DEPTOR: variants seen among roughly 807,000 people sequenced by gnomAD.
DEPTOR encodes the protein DEP domain containing MTOR interacting protein, also known as DEP domain-containing mTOR-interacting protein.
A neutral mutation model predicts 41.6 loss-of-function variants in DEPTOR; 41 were observed. The ratio of observed to expected loss-of-function variants is 0.98; its 90% CI spans 0.77 to 1.28. The LOEUF (loss-of-function observed/expected upper bound fraction) is 1.28, where lower values mean the gene tolerates loss of function less well. Among genes scored for constraint, DEPTOR ranks in the 50% most tolerant of loss-of-function variants. The probability of loss-of-function intolerance (pLI) is 0.00; values close to 1 mark genes in which losing one functional copy is unlikely to be tolerated. For synonymous variants in DEPTOR, 195 were observed against 192.3 expected, an observed-to-expected ratio of 1.01 and a Z score of -0.12; for missense variants, 514 against 527.9, an observed-to-expected ratio of 0.97 and a Z score of 0.26.
At chr8:119,879,764 C>T (rs528020988) in intron 1 of DEPTOR, among the ~76,000 whole-genome samples, 1 of 151,696 alleles carries the variant, frequency 6.6e-6, no homozygotes, top group East Asian at 2.0e-4. Context: ...GTAACCAGCA[C>T]TTTGGGAGGC....
intron 4 of DEPTOR, among the ~76,000 whole-genome samples, chr8:119,995,586 CTCAAAAAAAAAAAA>C (rs1812248072): frequency 6.9e-6 from 1 of 145,464 alleles, no homozygotes; most frequent in Non-Finnish European, 1.5e-5. Context: ...GCTCCTCTGT[CTCAAAAAAAAAAAA>C]AAGAAAAGAA....
At chr8:119,878,424 A>G (rs146419656) in intron 1 of DEPTOR, among the ~76,000 whole-genome samples, 1 of 151,220 alleles carries the variant, frequency 6.6e-6, no homozygotes, top group Non-Finnish European at 1.5e-5. Context: ...GGTTCAAGCG[A>G]TTCTCCTGCC....
At chr8:119,881,561 T>A (rs13282901) in intron 1 of DEPTOR, among the ~76,000 whole-genome samples, 2,827 of 151,532 alleles carry the variant, frequency 0.019, 88 homozygotes, top group African/African-American at 0.064. Context: ...AAAATGGGCC[T>A]TTGAACCAAA....
intron 3 of DEPTOR, among the ~76,000 whole-genome samples, chr8:119,937,485 A>G (rs1470728206): frequency 6.6e-6 from 1 of 152,234 alleles, no homozygotes; most frequent in East Asian, 1.9e-4. Context: ...TAATTTTAGA[A>G]TGAATGTTCC....
intron 4 of DEPTOR, among the ~76,000 whole-genome samples, chr8:119,968,555 G>A (rs1343301554): frequency 5.9e-5 from 9 of 152,078 alleles, no homozygotes; most frequent in Non-Finnish European, 1.3e-4. Flanking sequence ...GCCTGCCCCG[G>A]TCTCCCAAAG....
chr8:120,030,706 T>C (rs556604499), intron 8 of DEPTOR, among the ~76,000 whole-genome samples: 1 of 151,942 alleles, frequency 6.6e-6, no homozygotes, highest in East Asian at 1.9e-4. Context: ...GATTTCACCA[T>C]GTGGGCCAGG....
chr8:120,022,040 C>G (rs11996625), intron 8 of DEPTOR, among the ~76,000 whole-genome samples: 1 of 151,564 alleles, frequency 6.6e-6, no homozygotes, highest in Non-Finnish European at 1.5e-5. Flanking sequence ...ACGTAGTAGT[C>G]CCAGCTACCT....
chr8:119,937,408 A>G (rs1009688754), intron 3 of DEPTOR, among the ~76,000 whole-genome samples: 2 of 152,182 alleles, frequency 1.3e-5, no homozygotes, highest in African/African-American at 2.4e-5. Flanking sequence ...AAACATATAC[A>G]TATTTTCTAA....
chr8:120,031,900 G>A (rs1465025402), intron 8 of DEPTOR, among the ~76,000 whole-genome samples: 1 of 152,092 alleles, frequency 6.6e-6, no homozygotes. Context: ...AAGTCTGAGG[G>A]ATGAGTCCTT....
chr8:119,955,326 G>A (rs1828404479), intron 3 of DEPTOR, among the ~76,000 whole-genome samples: 1 of 152,126 alleles, frequency 6.6e-6, no homozygotes, highest in African/African-American at 2.4e-5. Context: ...TGTTGCTTGT[G>A]CTTTTGGCCT....
intron 8 of DEPTOR, among the ~76,000 whole-genome samples, chr8:120,035,325 AAAAGAAAG>A (rs10584339): frequency 0.37 from 55,278 of 151,232 alleles, 10,425 homozygotes; most frequent in African/African-American, 0.41. Flanking sequence ...GCCCAGAAAA[AAAAGAAAG>A]AAAGAAAGAA....
At chr8:119,909,696 G>T (rs6469869) in intron 1 of DEPTOR, among the ~76,000 whole-genome samples, 75,869 of 152,178 alleles carry the variant, frequency 0.5, 20,640 homozygotes, top group East Asian at 0.92. Flanking sequence ...TAGATTCTGT[G>T]TGTGGCCTTG....
intron 1 of DEPTOR, 61 bp from the exon 2 acceptor site, chr8:119,928,339 T>A: frequency 1.3e-6 from 2 of 1,543,316 alleles, no homozygotes; most frequent in South Asian, 2.4e-5. Context: ...CTGTCTGGGA[T>A]TGGTTTAATA....
chr8:119,990,196 T>A (rs993046234), intron 4 of DEPTOR, among the ~76,000 whole-genome samples: 2 of 152,214 alleles, frequency 1.3e-5, no homozygotes, highest in African/African-American at 4.8e-5. Flanking sequence ...TCTCACTCTG[T>A]CGCCCAGGCT....
At chr8:119,994,004 A>T (rs1431731544) in intron 4 of DEPTOR, among the ~76,000 whole-genome samples, 1 of 152,034 alleles carries the variant, frequency 6.6e-6, no homozygotes, top group African/African-American at 2.4e-5. Flanking sequence ...TAAAAATACA[A>T]AATTAGTGGG....
intron 4 of DEPTOR, among the ~76,000 whole-genome samples, chr8:119,992,639 C>T (rs1812189669): frequency 6.6e-6 from 1 of 150,742 alleles, no homozygotes. Context: ...CTCCTTCCAA[C>T]TAGATAAGTA....
At chr8:119,896,472 C>T (rs1827521326) in intron 1 of DEPTOR, among the ~76,000 whole-genome samples, 1 of 148,872 alleles carries the variant, frequency 6.7e-6, no homozygotes, top group Admixed American at 6.9e-5. Flanking sequence ...GACCTTTGAA[C>T]TTTGACTTTT....
chr8:119,975,264 A>T (rs1281544404), intron 4 of DEPTOR, among the ~76,000 whole-genome samples: 1 of 152,176 alleles, frequency 6.6e-6, no homozygotes, highest in East Asian at 1.9e-4. Context: ...GTACCAAACA[A>T]TCCTTATGCC....
intron 3 of DEPTOR, among the ~76,000 whole-genome samples, chr8:119,957,594 CT>C (rs529129631): frequency 5.5e-4 from 77 of 140,326 alleles, no homozygotes; most frequent in East Asian, 8.3e-4. Context: ...TTCTTTCTTT[CT>C]TTTTTTTTTT....
Sources: gnomAD v4.1 joint callset for allele counts (sites outside exome capture counted in the v4.1 genomes callset) on GRCh38, gnomAD v4.1.1 for gene constraint, MANE v1.5 for transcripts, NCBI Gene and HGNC (gene_info 2026-07-23, HGNC 2026-07-21) for gene names.